CCDC117: variants seen among roughly 807,000 people sequenced by gnomAD.
CCDC117 encodes coiled-coil domain-containing protein 117.
CCDC117 carries 1 observed loss-of-function variant against 23.5 expected under a neutral mutation model. That is an observed-to-expected ratio of 0.04 (90% CI 0.02 to 0.20). The LOEUF (loss-of-function observed/expected upper bound fraction) is 0.20, where lower values mean the gene tolerates loss of function less well. CCDC117 is among the 10% of genes least tolerant of loss of function. The probability of loss-of-function intolerance (pLI) is 1.00; values close to 1 mark genes in which losing one functional copy is unlikely to be tolerated. For synonymous variants in CCDC117, 132 were observed against 124.8 expected (o/e 1.06, Z -0.39); for missense variants, 383 against 348.2 (o/e 1.10, Z -0.80).
chr22:28,773,098 C>G, intron 1 of CCDC117, 64 bp downstream of exon 1: 1 of 853,210 alleles, frequency 1.2e-6, no homozygotes, highest in Non-Finnish European at 1.4e-6. Context: ...GGGCGCCCCT[C>G]GCGGCGGGCG....
chr22:28,772,713 G>A lies in CCDC117; in HGVS notation c.-137G>A. 1 of 625,988 alleles carries A rather than the reference G, an allele frequency of 1.6e-6. No homozygotes were observed. 38.8% of individuals were successfully genotyped at this position (625,988 alleles called of 1,614,324 possible). On this transcript the variant is annotated 5_prime_UTR_variant, in exon 1 of 5. Coordinates refer to ENST00000249064, the MANE Select transcript of CCDC117 (RefSeq NM_173510.4). ...TGCCCCCGAGCGGCCTGAGGTGGAG[G>A]GTTCTAGAAGGCGTGACGTGGGGTC...
chr22:28,778,459 T>G (rs1221305715), intron 2 of CCDC117, among the ~76,000 whole-genome samples: 1 of 151,878 alleles, frequency 6.6e-6, no homozygotes, highest in Non-Finnish European at 1.5e-5. Flanking sequence ...AATACAAAAG[T>G]CAGCCGGGCG....
At chr22:28,778,853 T>G (rs1258973445) in intron 2 of CCDC117, among the ~76,000 whole-genome samples, 1 of 152,176 alleles carries the variant, frequency 6.6e-6, no homozygotes, top group Non-Finnish European at 1.5e-5. Context: ...GATCTCTATT[T>G]AGAAAGTGGA....
chr22:28,787,720 A>G lies in CCDC117; in HGVS notation c.*1394A>G, dbSNP rs2031558042. 6.6e-6 allele frequency: 1 copy of G among 152,448 alleles called. No homozygotes were observed. The highest frequency in any genetic ancestry group is 1.5e-5 in the Non-Finnish European group (1 of 68,020). 9.4% of individuals were successfully genotyped at this position (152,448 alleles called of 1,614,324 possible). ...TATGTGGCAGGGGCTGATAGGGCAA[A>G]ATAAAATGACAATTTCTTTATTGCT... On this transcript the variant is annotated 3_prime_UTR_variant, in exon 5 of 5. Transcript: ENST00000249064.
rs747440274 is a variant in CCDC117 at position 28,773,748 on chromosome 22, AAC to A, written c.213_214del (p.His71GlnfsTer8). 9.3e-6 allele frequency: 15 copies of A among 1,613,924 alleles called. No homozygotes were observed. Among genetic ancestry groups the A allele is most frequent in the Non-Finnish European group, 1.3e-5 (15 of 1,179,888 alleles). On this transcript the variant is annotated frameshift_variant, in exon 2 of 5. Transcript: ENST00000249064. LOFTEE classifies it high-confidence loss of function. ...AGTGTTTCTGTTCACTGTAAAAAGAAACACAAGCGAGAGGAGGAGGAGGATGA... is the reference window on the plus strand; with the variant it reads ...AGTGTTTCTGTTCACTGTAAAAAGAAACAAGCGAGAGGAGGAGGAGGATGA...
chr22:28,778,595 G>A (rs2146248378), intron 2 of CCDC117, among the ~76,000 whole-genome samples: 1 of 152,192 alleles, frequency 6.6e-6, no homozygotes, highest in South Asian at 2.1e-4. Context: ...TATTGCCTTA[G>A]GATTACTGTG....
rs1158699787 is a variant in CCDC117 at position 28,787,509 on chromosome 22, T to G, written c.*1183T>G. ...GCTGAAAATATATGAGCAGGTGACA[T>G]TGAGGTTTACTGAAATAGCCAATTT... On this transcript the variant is annotated 3_prime_UTR_variant, in exon 5 of 5. Coordinates refer to ENST00000249064, the MANE Select transcript of CCDC117 (RefSeq NM_173510.4). 1 of 152,184 alleles carries G rather than the reference T, an allele frequency of 6.6e-6. No individual in the cohort carries two copies. Among genetic ancestry groups the G allele is most frequent in the Non-Finnish European group, 1.5e-5 (1 of 68,010 alleles). 9.4% of individuals were successfully genotyped at this position (152,184 alleles called of 1,614,324 possible). A position where few individuals can be genotyped will look rare whatever the true frequency, so the allele number is the denominator to read the frequency against.
intron 2 of CCDC117, among the ~76,000 whole-genome samples, chr22:28,777,250 C>T (rs1390713534): frequency 6.6e-6 from 1 of 151,844 alleles, no homozygotes; most frequent in African/African-American, 2.4e-5. Context: ...TGGTCTCAAT[C>T]TCCTGACCTT....
At position 28,786,135 on chromosome 22, in the gene CCDC117, C is replaced by G; in HGVS notation, c.649C>G (p.Leu217Val). Residue 217 changes from leucine to valine, a missense_variant, in exon 5 of 5, where the codon CTC becomes GTC. Physicochemically the swap from Leu to Val is conservative, Grantham distance 32. Transcript: ENST00000249064. ...ELVLWKPLPE[L>V]LSDKPKPSSN... is the part of the protein sequence containing the mutation. Reference sequence around the variant, plus strand: ...TGTTCTCTGGAAACCCCTCCCTGAACTCCTTTCTGATAAGCCAAAGCCATC... The same window carrying G: ...TGTTCTCTGGAAACCCCTCCCTGAAGTCCTTTCTGATAAGCCAAAGCCATC... 1 of 1,614,032 alleles carries G rather than the reference C, an allele frequency of 6.2e-7. No homozygotes were observed. The highest frequency in any genetic ancestry group is 8.5e-7 in the Non-Finnish European group (1 of 1,179,978).
chr22:28,782,250 CTTTTTTTTTTTTTT>C (rs34670753), intron 3 of CCDC117, among the ~76,000 whole-genome samples: 6 of 80,320 alleles, frequency 7.5e-5, no homozygotes, highest in Admixed American at 2.6e-4. Context: ...TCTACTGAGC[CTTTTTTTTTTTTTT>C]TTTTTTTTTT....
At chr22:28,780,771 CAGTTT>C (rs2031292456) in intron 2 of CCDC117, among the ~76,000 whole-genome samples, 172 bp from the exon 3 acceptor site, 1 of 152,168 alleles carries the variant, frequency 6.6e-6, no homozygotes, top group Non-Finnish European at 1.5e-5. Flanking sequence ...TAGAAGAAAA[CAGTTT>C]AGTGTGGCTG....
At chr22:28,777,034 GTTT>G (rs573843364) in intron 2 of CCDC117, among the ~76,000 whole-genome samples, 1 of 128,426 alleles carries the variant, frequency 7.8e-6, no homozygotes, top group Non-Finnish European at 1.6e-5. Context: ...TACTGTAGCT[GTTT>G]TTTTTTTTTT....
chr22:28,779,161 A>G (rs539244295), intron 2 of CCDC117, among the ~76,000 whole-genome samples: 11 of 152,014 alleles, frequency 7.2e-5, no homozygotes, highest in African/African-American at 2.7e-4. Context: ...TTTTGTAAGT[A>G]TAACTATTTT....
Position 28,787,358 on chromosome 22 carries a change from C to T in CCDC117, c.*1032C>T, listed in dbSNP as rs563949472. 9.9e-4 allele frequency: 150 copies of T among 152,218 alleles called. No homozygotes were observed. Among genetic ancestry groups the T allele is most frequent in the African/African-American group, 3.6e-3 (148 of 41,514 alleles). The allele number at this position is 152,218 out of a possible 1,614,324, so 9.4% of individuals were successfully genotyped here. ...TTTGCCATGTTGGCCAGGCTGGTCT[C>T]GAACTCCTGACCTCAGGTGATCTGC... is the stretch of plus-strand genomic sequence containing the variant. On this transcript the variant is annotated 3_prime_UTR_variant, in exon 5 of 5. Transcript: ENST00000249064.
chr22:28,782,519 A>G (rs943045529), intron 3 of CCDC117, among the ~76,000 whole-genome samples: 3 of 151,748 alleles, frequency 2.0e-5, no homozygotes, highest in South Asian at 2.1e-4. Context: ...GCTCATTGCA[A>G]TCTCCACCTC....
In CCDC117 at chr22:28,772,946, C is replaced by G; in HGVS notation, c.97C>G (p.Pro33Ala). 2 of 1,217,112 alleles carry G rather than the reference C, an allele frequency of 1.6e-6. No homozygotes were observed. The highest frequency in any genetic ancestry group is 2.0e-6 in the Non-Finnish European group (2 of 978,412). 75.4% of individuals were successfully genotyped at this position (1,217,112 alleles called of 1,614,324 possible). A position where few individuals can be genotyped will look rare whatever the true frequency, so the allele number is the denominator to read the frequency against. Residue 33 changes from proline (P) to alanine (A), a missense_variant, in exon 1 of 5, where the codon CCG becomes GCG. By Grantham distance (27) the Pro-to-Ala change is conservative (BLOSUM62 -1). Transcript: ENST00000249064. ...GCCGGCCTTCCCCGGCCGGGCCTTC[C>G]CGCCGGGGGCTGACGGCGCCGAGTT... The part of the protein sequence containing the change: ...PQPAFPGRAF[P>A]PGADGAELAP...
intron 2 of CCDC117, among the ~76,000 whole-genome samples, chr22:28,774,053 T>G (rs2031083549): frequency 6.7e-6 from 1 of 149,676 alleles, no homozygotes; most frequent in Non-Finnish European, 1.5e-5. Flanking sequence ...GGATACATAT[T>G]GAAAAGTTTT....
intron 2 of CCDC117, among the ~76,000 whole-genome samples, chr22:28,776,230 G>A (rs1317444072): frequency 6.6e-6 from 1 of 152,092 alleles, no homozygotes; most frequent in Non-Finnish European, 1.5e-5. Flanking sequence ...CCAAAATGGT[G>A]AAACCCTGTC....
Position 28,780,190 on chromosome 22 carries a change from A to C in CCDC117, c.240-758A>C, listed in dbSNP as rs546331168. Among the ~76,000 whole-genome samples, 3 of 152,330 alleles carry C rather than the reference A, an allele frequency of 2.0e-5. No individual in the cohort carries two copies. In the East Asian group the frequency reaches 5.8e-4, roughly 29 times the overall value. On this transcript the variant is annotated intron_variant, in intron 2 of 4. Transcript: ENST00000249064. ...GGATTTGATGAATTCTAAAGTTTCT[A>C]TGAAATACAAATTTGTTCAGGATGT...
Sources: gnomAD v4.1 joint callset for allele counts (sites outside exome capture counted in the v4.1 genomes callset) on GRCh38, gnomAD v4.1.1 for gene constraint, MANE v1.5 for transcripts, NCBI Gene and HGNC (gene_info 2026-07-23, HGNC 2026-07-21) for gene names.